MARCHF1: variants seen among roughly 807,000 people sequenced by gnomAD.
MARCHF1 encodes E3 ubiquitin-protein ligase MARCHF1.
In MARCHF1, 40 loss-of-function variants were observed where a neutral mutation model predicts 54.2. That is an observed-to-expected ratio of 0.74 (90% CI 0.57 to 0.96). MARCHF1 has a LOEUF of 0.96. MARCHF1 is among the 40% of genes least tolerant of loss of function. The probability of loss-of-function intolerance (pLI) is 0.00; values close to 1 mark genes in which losing one functional copy is unlikely to be tolerated. For missense variants in MARCHF1, 586 were observed against 656.5 expected (o/e 0.89, Z 1.17); for synonymous variants, 236 against 236.3 (o/e 1.00, Z 0.01).
At chr4:164,100,711 A>G (rs1003665848) in intron 2 of MARCHF1, among the ~76,000 whole-genome samples, 2 of 152,078 alleles carry the variant, frequency 1.3e-5, no homozygotes, top group Admixed American at 6.5e-5. Context: ...CCTGCTGGAG[A>G]TAGTTGATAG....
At chr4:163,661,598 A>G (rs1409900254) in intron 5 of MARCHF1, among the ~76,000 whole-genome samples, 1 of 152,046 alleles carries the variant, frequency 6.6e-6, no homozygotes, top group Non-Finnish European at 1.5e-5. Context: ...TACTTTAAAA[A>G]GTTTTTAATA....
chr4:163,646,142 C>T (rs1742751959), intron 5 of MARCHF1, among the ~76,000 whole-genome samples: 1 of 152,046 alleles, frequency 6.6e-6, no homozygotes, highest in African/African-American at 2.4e-5. Context: ...AGAGACTGGT[C>T]ACATCCAAGG....
intron 5 of MARCHF1, among the ~76,000 whole-genome samples, chr4:163,629,534 A>G (rs1741994427): frequency 6.6e-6 from 1 of 152,218 alleles, no homozygotes; most frequent in Non-Finnish European, 1.5e-5. Flanking sequence ...AAGCAATGGT[A>G]ACACAAGCGA....
At chr4:164,236,005 A>G (rs750954044) in intron 1 of MARCHF1, among the ~76,000 whole-genome samples, 15 of 152,106 alleles carry the variant, frequency 9.9e-5, no homozygotes, top group Non-Finnish European at 1.8e-4. Flanking sequence ...TGCTATTTTT[A>G]ATGTATGTAT....
chr4:163,853,727 C>T (rs560538709), intron 4 of MARCHF1, among the ~76,000 whole-genome samples: 5 of 152,144 alleles, frequency 3.3e-5, no homozygotes, highest in African/African-American at 1.2e-4. Flanking sequence ...AATCCAAGAA[C>T]ATAAACTTTA....
At chr4:163,559,432 A>T (rs928718813) in intron 8 of MARCHF1, among the ~76,000 whole-genome samples, 1 of 152,186 alleles carries the variant, frequency 6.6e-6, no homozygotes, top group Non-Finnish European at 1.5e-5. Context: ...TTTCGAACTA[A>T]GAAGAAGTCA....
intron 2 of MARCHF1, among the ~76,000 whole-genome samples, chr4:164,099,382 T>C (rs1437881330): frequency 6.6e-6 from 1 of 152,236 alleles, no homozygotes; most frequent in African/African-American, 2.4e-5. Context: ...TCTGTCTATA[T>C]ACTTTTTCAT....
rs141461914 is a variant in MARCHF1 at position 164,197,784 on chromosome 4, C to T, written c.-322-86122G>A. The T allele has an allele frequency of 3.3e-4, 524 of 1,603,656 alleles. 3 individuals carry two copies. The East Asian group carries it at 0.01, about 31-fold the overall frequency. Reference sequence around the variant, plus strand: ...TCAATAAACCTCGAACCCACGGCCGCACGTTTTAGGACTTTGAAGACTCAA... The same window carrying T: ...TCAATAAACCTCGAACCCACGGCCGTACGTTTTAGGACTTTGAAGACTCAA... On this transcript the variant is annotated intron_variant, in intron 1 of 9. Transcript: ENST00000514618.
chr4:163,672,281 A>G (rs980121884), intron 5 of MARCHF1, among the ~76,000 whole-genome samples: 3 of 152,116 alleles, frequency 2.0e-5, no homozygotes, highest in African/African-American at 7.2e-5. Flanking sequence ...TTTTATTTGT[A>G]GCTTTTATTT....
chr4:163,972,988 T>C (rs1313773933), intron 3 of MARCHF1, among the ~76,000 whole-genome samples: 1 of 152,228 alleles, frequency 6.6e-6, no homozygotes, highest in East Asian at 1.9e-4. Flanking sequence ...TTAATCAGTC[T>C]AGCAATGTCA....
intron 3 of MARCHF1, among the ~76,000 whole-genome samples, chr4:163,903,898 G>A (rs1432565360): frequency 2.0e-5 from 3 of 152,152 alleles, no homozygotes. Flanking sequence ...TTACAGGCAT[G>A]AGCCACCTCG....
intron 4 of MARCHF1, among the ~76,000 whole-genome samples, chr4:163,712,738 T>C (rs76114524): frequency 2.0e-5 from 3 of 152,280 alleles, no homozygotes; most frequent in African/African-American, 7.2e-5. Context: ...CACAAGGACT[T>C]AAATACGGAT....
intron 9 of MARCHF1, among the ~76,000 whole-genome samples, chr4:163,533,680 A>AATATATATATATATATAT (rs35349951): frequency 6.9e-6 from 1 of 144,134 alleles, no homozygotes; most frequent in African/African-American, 2.5e-5. Context: ...TTTTATATAT[A>AATATATATATATATATAT]ATATATATAT....
At chr4:164,084,988 A>G (rs1228619278) in intron 2 of MARCHF1, among the ~76,000 whole-genome samples, 2 of 151,840 alleles carry the variant, frequency 1.3e-5, no homozygotes, top group African/African-American at 2.4e-5. Flanking sequence ...TTAAGCCCAC[A>G]AAGCCCAGAA....
chr4:163,825,258 G>A (rs1001313212), intron 4 of MARCHF1, among the ~76,000 whole-genome samples: 1 of 151,996 alleles, frequency 6.6e-6, no homozygotes, highest in Non-Finnish European at 1.5e-5. Flanking sequence ...CCATGTTGCT[G>A]CAAAGAACAT....
At chr4:164,222,585 GA>G (rs1449705462) in intron 1 of MARCHF1, among the ~76,000 whole-genome samples, 2 of 151,758 alleles carry the variant, frequency 1.3e-5, no homozygotes, top group Non-Finnish European at 2.9e-5. Context: ...GGCAAATAGT[GA>G]AAATGGAAAG....
intron 8 of MARCHF1, among the ~76,000 whole-genome samples, chr4:163,554,634 A>T (rs1375602075): frequency 6.6e-6 from 1 of 152,174 alleles, no homozygotes; most frequent in African/African-American, 2.4e-5. Context: ...CAGTTTTCTC[A>T]TTGGTAAAAT....
At chr4:163,854,205 T>A in intron 3 of MARCHF1, 36 bp from the exon 4 acceptor site, 3 of 1,420,054 alleles carry the variant, frequency 2.1e-6, no homozygotes, top group Non-Finnish European at 2.8e-6. Flanking sequence ...ACAGGTCACT[T>A]ATTTTAGCTG....
chr4:164,124,720 A>G (rs1010573759), intron 1 of MARCHF1, among the ~76,000 whole-genome samples: 1 of 152,154 alleles, frequency 6.6e-6, no homozygotes, highest in African/African-American at 2.4e-5. Flanking sequence ...TGGGATCTAA[A>G]AATCAAAACA....
Sources: gnomAD v4.1 joint callset for allele counts (sites outside exome capture counted in the v4.1 genomes callset) on GRCh38, gnomAD v4.1.1 for gene constraint, MANE v1.5 for transcripts, NCBI Gene and HGNC (gene_info 2026-07-23, HGNC 2026-07-21) for gene names.